Variants in CFTR observed in about 807,000 individuals in gnomAD.
The protein encoded by CFTR is cystic fibrosis transmembrane conductance regulator.
A neutral mutation model predicts 171.6 loss-of-function variants in CFTR; 181 were observed. The ratio of observed to expected loss-of-function variants is 1.05; its 90% CI spans 0.93 to 1.19. CFTR has a LOEUF of 1.19. CFTR is among the 50% of genes most tolerant of loss of function. The pLI is 0.00. For missense variants in CFTR, 1,968 were observed against 1,734.7 expected, an observed-to-expected ratio of 1.13 and a Z score of -2.39; for synonymous variants, 583 against 608.0, an observed-to-expected ratio of 0.96 and a Z score of 0.60.
chr7:117,555,112 T>C (rs1460657987), intron 10 of CFTR, among the ~76,000 whole-genome samples: 1 of 152,052 alleles, frequency 6.6e-6, no homozygotes, highest in Admixed American at 6.5e-5. Context: ...TCACAAACTG[T>C]CTAGCCTAGA....
At chr7:117,618,549 C>T (rs1004400450) in intron 21 of CFTR, among the ~76,000 whole-genome samples, 9 of 152,076 alleles carry the variant, frequency 5.9e-5, no homozygotes, top group Admixed American at 5.9e-4. Flanking sequence ...ATTTGTGTCT[C>T]TAGTTTAGAC....
intron 3 of CFTR, among the ~76,000 whole-genome samples, chr7:117,509,350 A>G (rs1798476577): frequency 6.6e-6 from 1 of 152,148 alleles, no homozygotes; most frequent in Non-Finnish European, 1.5e-5. Flanking sequence ...GGCAATTTAC[A>G]ATCTCAATGG....
chr7:117,586,464 G>C (rs1435138811), intron 11 of CFTR: 1 of 152,108 alleles, frequency 6.6e-6, no homozygotes, highest in Admixed American at 6.6e-5. Flanking sequence ...CTTGAGGGCA[G>C]CAGCTAGCAT....
At chr7:117,613,544 A>G (rs747801342) in intron 20 of CFTR, among the ~76,000 whole-genome samples, 1 of 152,172 alleles carries the variant, frequency 6.6e-6, no homozygotes, top group East Asian at 1.9e-4. Context: ...AACACTTAGT[A>G]TAGTGCCTGG....
intron 9 of CFTR, among the ~76,000 whole-genome samples, chr7:117,545,721 T>C (rs1196585096): frequency 2.0e-5 from 3 of 152,154 alleles, no homozygotes; most frequent in South Asian, 2.1e-4. Flanking sequence ...GTTACACAAC[T>C]AGCTAGGGCA....
At position 117,606,704 on chromosome 7, in the gene CFTR, T is replaced by A. The variant is rs397508463; in HGVS notation, c.2939T>A (p.Ile980Lys). The change falls in exon 18 of 27, where the codon ATA becomes AAA. Residue 980 changes from isoleucine to lysine, a missense_variant. Physicochemically the swap from Ile to Lys is moderately radical, Grantham distance 102 (BLOSUM62 -3). Coordinates refer to ENST00000003084, the MANE Select transcript of CFTR (RefSeq NM_000492.4). ...ATTCTTAATAGATTCTCCAAAGATA[T>A]AGCAATTTTGGATGACCTTCTGCCT... The part of the protein sequence containing the change: ...GGILNRFSKD[I>K]AILDDLLPLT... 18 of 1,593,778 alleles carry A rather than the reference T, an allele frequency of 1.1e-5. No individual in the cohort carries two copies. The highest frequency in any genetic ancestry group is 3.3e-5 in the Admixed American group (2 of 59,950).
At chr7:117,503,449 C>A (rs892815576) in intron 1 of CFTR, among the ~76,000 whole-genome samples, 30 of 152,190 alleles carry the variant, frequency 2.0e-4, no homozygotes, top group African/African-American at 6.3e-4. Flanking sequence ...CCTTCTTCTG[C>A]CTCCTCTTCT....
At chr7:117,519,264 A>C (rs1279517117) in intron 3 of CFTR, among the ~76,000 whole-genome samples, 1 of 152,130 alleles carries the variant, frequency 6.6e-6, no homozygotes. Flanking sequence ...TCAGTGGATT[A>C]AGCGTGAATA....
chr7:117,635,562 A>T (rs2116148604), intron 22 of CFTR, among the ~76,000 whole-genome samples: 1 of 152,020 alleles, frequency 6.6e-6, no homozygotes, highest in East Asian at 1.9e-4. Context: ...TTGTGGTTTT[A>T]ATCGAGCATT....
chr7:117,530,535 C>G (rs1317721708), intron 3 of CFTR, among the ~76,000 whole-genome samples: 1 of 151,986 alleles, frequency 6.6e-6, no homozygotes, highest in East Asian at 1.9e-4. Flanking sequence ...TACTCTGATA[C>G]TGAAAGTTGT....
At chr7:117,649,497 GTATATA>G (rs755073383) in intron 23 of CFTR, among the ~76,000 whole-genome samples, 9 of 139,376 alleles carry the variant, frequency 6.5e-5, no homozygotes, top group South Asian at 2.3e-4. Context: ...GTGTGTGTGT[GTATATA>G]TATATATATA....
At chr7:117,639,855 C>T (rs1028160850) in intron 22 of CFTR, among the ~76,000 whole-genome samples, 8 of 152,062 alleles carry the variant, frequency 5.3e-5, no homozygotes, top group Non-Finnish European at 1.2e-4. Context: ...ATTATAATCA[C>T]CTTGTGGATC....
chr7:117,595,464 CTG>C (rs1322987049), intron 15 of CFTR, among the ~76,000 whole-genome samples: 1 of 150,128 alleles, frequency 6.7e-6, no homozygotes, highest in Non-Finnish European at 1.5e-5. Context: ...ATTAGAATCA[CTG>C]TTGATATTTT....
intron 4 of CFTR, among the ~76,000 whole-genome samples, chr7:117,531,483 G>T (rs1798866024): frequency 6.6e-6 from 1 of 152,028 alleles, no homozygotes; most frequent in Non-Finnish European, 1.5e-5. Context: ...TGTTCAGCAA[G>T]AAGAGTATAA....
chr7:117,555,519 G>T (rs1043626624), intron 10 of CFTR, among the ~76,000 whole-genome samples: 1 of 152,140 alleles, frequency 6.6e-6, no homozygotes, highest in African/African-American at 2.4e-5. Context: ...AGTAAAAAGT[G>T]ATCTCTAGTG....
intron 2 of CFTR, among the ~76,000 whole-genome samples, chr7:117,507,983 C>A (rs1018309860): frequency 1.3e-5 from 2 of 152,178 alleles, no homozygotes; most frequent in African/African-American, 4.8e-5. Context: ...GCTATGCTGG[C>A]CAGGCTGGTC....
At chr7:117,638,460 G>A (rs1177600900) in intron 22 of CFTR, among the ~76,000 whole-genome samples, 1 of 152,100 alleles carries the variant, frequency 6.6e-6, no homozygotes, top group Non-Finnish European at 1.5e-5. Context: ...TTCTTAAAAT[G>A]TCGTTCTGCT....
At chr7:117,532,307 G>A (rs1037258922) in intron 4 of CFTR, among the ~76,000 whole-genome samples, 1 of 152,170 alleles carries the variant, frequency 6.6e-6, no homozygotes, top group African/African-American at 2.4e-5. Context: ...GAAAGTGCTT[G>A]TTATCATAAT....
At chr7:117,663,683 TTCTG>T (rs1290318174) in intron 24 of CFTR, among the ~76,000 whole-genome samples, 1 of 152,160 alleles carries the variant, frequency 6.6e-6, no homozygotes, top group Non-Finnish European at 1.5e-5. Flanking sequence ...ATAAGATTCT[TTCTG>T]AGCCATTATC....
Sources: gnomAD v4.1 joint callset for allele counts (sites outside exome capture counted in the v4.1 genomes callset) on GRCh38, gnomAD v4.1.1 for gene constraint, MANE v1.5 for transcripts, NCBI Gene and HGNC (gene_info 2026-07-23, HGNC 2026-07-21) for gene names.